Variants in PUS10 observed in about 807,000 individuals in gnomAD.
PUS10 encodes the protein pseudouridine synthase 10, also known as tRNA pseudouridine synthase Pus10.
PUS10 carries 59 observed loss-of-function variants against 75.0 expected under a neutral mutation model. That is an observed-to-expected ratio of 0.79 (90% confidence interval 0.64 to 0.98). The LOEUF (loss-of-function observed/expected upper bound fraction) is 0.98, where lower values mean the gene tolerates loss of function less well. Ranked by LOEUF, PUS10 falls within the 50% of genes least tolerant of loss-of-function variation. PUS10 has a pLI of 0.00. For missense variants in PUS10, 650 were observed against 614.4 expected (o/e 1.06, Z -0.61); for synonymous variants, 219 against 211.6 (o/e 1.03, Z -0.30).
chr2:60,975,148 T>G (rs930905690), intron 4 of PUS10, among the ~76,000 whole-genome samples: 5 of 152,130 alleles, frequency 3.3e-5, no homozygotes, highest in African/African-American at 1.2e-4. Context: ...ATCATGGTTC[T>G]GTTTGTTTGT....
chr2:60,997,115 T>G (rs1439955388), intron 4 of PUS10, among the ~76,000 whole-genome samples: 1 of 152,204 alleles, frequency 6.6e-6, no homozygotes, highest in Non-Finnish European at 1.5e-5. Flanking sequence ...AGCAAGTTCT[T>G]GGAGTTACCT....
chr2:60,943,501 C>G (rs1317442301), intron 17 of PUS10, among the ~76,000 whole-genome samples: 1 of 149,928 alleles, frequency 6.7e-6, no homozygotes, highest in African/African-American at 2.4e-5. Context: ...CCGTATCTAT[C>G]TGTGGCTTTT....
intron 5 of PUS10, among the ~76,000 whole-genome samples, chr2:60,970,094 AC>A (rs1461971043): frequency 6.6e-6 from 1 of 152,092 alleles, no homozygotes; most frequent in Non-Finnish European, 1.5e-5. Flanking sequence ...AAAAAAAAAA[AC>A]AAAACCCGAA....
intron 16 of PUS10, among the ~76,000 whole-genome samples, chr2:60,946,668 TA>T (rs1263022849): frequency 1.4e-4 from 21 of 152,312 alleles, no homozygotes; most frequent in African/African-American, 5.1e-4. Context: ...TAAGAGTAGA[TA>T]ACCTATACTT....
At chr2:60,965,647 G>C (rs1558903533) in intron 6 of PUS10, 163 bp from the exon 7 acceptor site, 5 of 497,980 alleles carry the variant, frequency 1.0e-5, no homozygotes, top group Non-Finnish European at 1.8e-5. Flanking sequence ...CAGGGCAGCT[G>C]TAAAGGAAAT....
At chr2:60,948,386 C>A (rs751162994) in intron 15 of PUS10, among the ~76,000 whole-genome samples, 3 of 152,148 alleles carry the variant, frequency 2.0e-5, no homozygotes, top group African/African-American at 7.2e-5. Flanking sequence ...CCGCCATGCC[C>A]GGCTGATTTT....
intron 3 of PUS10, among the ~76,000 whole-genome samples, chr2:61,007,865 G>A (rs993267039): frequency 1.9e-4 from 29 of 149,252 alleles, no homozygotes; most frequent in African/African-American, 5.4e-4. Context: ...GGCGGATCAC[G>A]AGGTCAAGAG....
Position 60,989,978 on chromosome 2 carries a change from C to T in PUS10, c.468+16579G>A, listed in dbSNP as rs1368743517. Among the ~76,000 whole-genome samples, 3 of 152,006 alleles carry T rather than the reference C, an allele frequency of 2.0e-5. No homozygotes were observed. In the East Asian group the frequency reaches 5.8e-4, roughly 29 times the overall value. On this transcript the variant is annotated intron_variant, in intron 4 of 17. Transcript: ENST00000316752. ...ATATGACCAACTCACCAACAATAAG[C>T]AGGCAACTTGACATAGAAGGTACCA...
chr2:60,968,936 C>A (rs1027152371), intron 5 of PUS10, among the ~76,000 whole-genome samples: 1 of 152,132 alleles, frequency 6.6e-6, no homozygotes, highest in Non-Finnish European at 1.5e-5. Flanking sequence ...AAAAGACTAT[C>A]CTGATACTGT....
chr2:60,990,354 G>C (rs577288012), intron 4 of PUS10, among the ~76,000 whole-genome samples: 1 of 152,320 alleles, frequency 6.6e-6, no homozygotes, highest in Admixed American at 6.5e-5. Flanking sequence ...TAACAAGGTA[G>C]TGAAGAGTTA....
chr2:60,985,226 A>G (rs77460555), intron 4 of PUS10, among the ~76,000 whole-genome samples: 147 of 152,326 alleles, frequency 9.7e-4, no homozygotes, highest in Non-Finnish European at 1.4e-3. Flanking sequence ...ACAAAATTTT[A>G]AAGTGTTACA....
At chr2:61,017,550 T>A in intron 1 of PUS10, 1 of 547,236 alleles carries the variant, frequency 1.8e-6, no homozygotes, top group Non-Finnish European at 3.3e-6. Context: ...CTGGGGCAAA[T>A]ACAAAGAGCG....
Position 60,955,093 on chromosome 2 carries a change from G to GAA in PUS10, c.1001-21_1001-20dup. ...TTAAAACCTTTGAAAAGCAGATAAA[G>GAA]AAAAAAAAATTAGAGACATCATAGC... On this transcript the variant is annotated intron_variant, in intron 11 of 17. Coordinates refer to ENST00000316752, the MANE Select transcript of PUS10 (RefSeq NM_144709.4). 4.0e-6 allele frequency: 6 copies of GAA among 1,512,106 alleles called. No individual in the cohort carries two copies. Among genetic ancestry groups the GAA allele is most frequent in the South Asian group, 1.2e-5 (1 of 82,626 alleles). The allele number at this position is 1,512,106 out of a possible 1,614,324, so 93.7% of individuals were successfully genotyped here. A position where few individuals can be genotyped will look rare whatever the true frequency, so the allele number is the denominator to read the frequency against.
chr2:60,952,517 T>G (rs1031427655), intron 15 of PUS10, among the ~76,000 whole-genome samples: 1 of 152,192 alleles, frequency 6.6e-6, no homozygotes, highest in African/African-American at 2.4e-5. Context: ...TATTCATGTA[T>G]TTAATCTCAG....
chr2:60,967,547 A>G lies in PUS10; in HGVS notation c.570T>C (p.Thr190=), dbSNP rs147060949. 2 of 1,609,778 alleles carry G rather than the reference A, an allele frequency of 1.2e-6. No homozygotes were observed. The highest frequency in any genetic ancestry group is 2.7e-5 in the African/African-American group (2 of 74,676). ...VQLKEAYKWI[T]HPLFSEELGV... ...CCAGTTCCTCTGAAAACAGGGGGTG[A>G]GTTATCCATTTGTAGGCTTCTTTTA... Residue 190 remains threonine (T), a synonymous_variant, in exon 6 of 18, where the codon ACT becomes ACC. Coordinates refer to ENST00000316752, the MANE Select transcript of PUS10 (RefSeq NM_144709.4).
At chr2:61,008,108 C>T (rs902681283) in intron 3 of PUS10, among the ~76,000 whole-genome samples, 4 of 151,938 alleles carry the variant, frequency 2.6e-5, no homozygotes, top group African/African-American at 7.3e-5. Context: ...TTGGCCTTGG[C>T]CGGGTACAGT....
rs1674861883 is a variant in PUS10, at chr2:60,945,111, G to T, written c.1452-3C>A. The T allele has an allele frequency of 6.2e-7, 1 of 1,608,920 alleles. No individual in the cohort carries two copies. The highest frequency in any genetic ancestry group is 8.5e-7 in the Non-Finnish European group (1 of 1,175,342). On this transcript the variant is annotated splice_region_variant and splice_polypyrimidine_tract_variant and intron_variant, in intron 16 of 17. Coordinates refer to ENST00000316752, the MANE Select transcript of PUS10 (RefSeq NM_144709.4). ...CATGTACAAACTCTTTAATGTAGCT[G>T]GGGTTTGTTTAAGGAAAAAATGAAG...
At chr2:60,943,287 G>T (rs1368393367) in intron 17 of PUS10, among the ~76,000 whole-genome samples, 1 of 152,040 alleles carries the variant, frequency 6.6e-6, no homozygotes, top group Non-Finnish European at 1.5e-5. Context: ...TTGTGCTTCA[G>T]TTCTGTAGAA....
intron 4 of PUS10, 62 bp downstream of exon 4, chr2:61,006,495 A>G: frequency 8.1e-7 from 1 of 1,232,840 alleles, no homozygotes; most frequent in Non-Finnish European, 1.2e-6. Context: ...CTACATTCCC[A>G]TTTTTTGAGA....
Sources: allele counts gnomAD v4.1 joint callset (sites outside exome capture counted in the v4.1 genomes callset), GRCh38; gene constraint gnomAD v4.1.1; transcripts MANE v1.5; gene names NCBI Gene and HGNC (gene_info 2026-07-23, HGNC 2026-07-21).